MCPH1: variants seen among roughly 807,000 people sequenced by gnomAD.
The protein encoded by MCPH1 is microcephalin 1, also known as microcephalin.
Under a neutral mutation model 84.5 loss-of-function variants are expected in MCPH1, and 104 were observed. The observed-to-expected ratio is 1.23, with a 90% confidence interval of 1.05 to 1.45. The LOEUF (loss-of-function observed/expected upper bound fraction) is 1.45. MCPH1 is among the 40% of genes most tolerant of loss of function. The pLI, the probability that MCPH1 is intolerant of heterozygous loss-of-function variation, is 0.00. For missense variants in MCPH1, 1,498 were observed against 1,005.7 expected (o/e 1.49, Z -6.62); for synonymous variants, 514 against 366.8 (o/e 1.40, Z -4.58).
rs550267060 is a variant in MCPH1 at position 6,466,174 on chromosome 8, A to G, written c.1935+10922A>G. Reference sequence around the variant, plus strand: ...TTTTCCTGAGACAGAGTCTTGCTCTATCGCCAGGCTGGAGTGCAGTTGCGC... The same window carrying G: ...TTTTCCTGAGACAGAGTCTTGCTCTGTCGCCAGGCTGGAGTGCAGTTGCGC... On this transcript the variant is annotated intron_variant, in intron 9 of 13. Transcript: ENST00000344683. Among the ~76,000 whole-genome samples, 6 of 124,798 alleles carry G rather than the reference A, an allele frequency of 4.8e-5. No homozygotes were observed. In the South Asian group the frequency reaches 1.5e-3, roughly 31 times the overall value. The allele number at this position is 124,798 out of a possible 152,430, so 81.9% of individuals were successfully genotyped here. A position where few individuals can be genotyped will look rare whatever the true frequency, so the allele number is the denominator to read the frequency against.
At chr8:6,539,289 A>G (rs1821084247) in intron 12 of MCPH1, among the ~76,000 whole-genome samples, 1 of 152,208 alleles carries the variant, frequency 6.6e-6, no homozygotes, top group Non-Finnish European at 1.5e-5. Context: ...TTGAATTTCT[A>G]GAACCTAGAA....
intron 10 of MCPH1, among the ~76,000 whole-genome samples, 178 bp downstream of exon 10, chr8:6,477,809 T>C (rs951191770): frequency 5.3e-5 from 8 of 152,260 alleles, no homozygotes; most frequent in African/African-American, 1.9e-4. Flanking sequence ...TGTGAGCGAC[T>C]TAGCCTTGAA....
chr8:6,482,401 C>T (rs536648821), intron 11 of MCPH1, among the ~76,000 whole-genome samples: 33 of 152,326 alleles, frequency 2.2e-4, no homozygotes, highest in African/African-American at 5.5e-4. Flanking sequence ...CAGGGGGCCA[C>T]GGACTGTGCC....
intron 12 of MCPH1, among the ~76,000 whole-genome samples, chr8:6,588,248 G>A (rs938844751): frequency 1.1e-4 from 17 of 152,108 alleles, no homozygotes; most frequent in Admixed American, 1.1e-3. Context: ...TCTCAGTGGG[G>A]CATTCTTTTT....
chr8:6,419,152 G>GACACACACACAC (rs1177481281), intron 3 of MCPH1, among the ~76,000 whole-genome samples: 15 of 59,350 alleles, frequency 2.5e-4, no homozygotes, highest in African/African-American at 7.0e-4. Flanking sequence ...CACACACACA[G>GACACACACACAC]ACACACACAC....
At chr8:6,578,135 G>T (rs180751935) in intron 12 of MCPH1, among the ~76,000 whole-genome samples, 1 of 152,280 alleles carries the variant, frequency 6.6e-6, no homozygotes, top group African/African-American at 2.4e-5. Context: ...CCAGACACTC[G>T]ACTGTCCCGA....
intron 12 of MCPH1, among the ~76,000 whole-genome samples, chr8:6,544,617 A>G (rs947622724): frequency 2.6e-5 from 4 of 152,212 alleles, no homozygotes; most frequent in Admixed American, 2.0e-4. Flanking sequence ...AAGAACCGAC[A>G]TGCACAACTT....
chr8:6,455,882 C>T (rs186552619), intron 9 of MCPH1, among the ~76,000 whole-genome samples: 2 of 152,076 alleles, frequency 1.3e-5, no homozygotes, highest in African/African-American at 4.8e-5. Flanking sequence ...TGTAGTGAAA[C>T]CTGAATTCAG....
intron 12 of MCPH1, among the ~76,000 whole-genome samples, chr8:6,538,376 T>C (rs1335598172): frequency 6.6e-6 from 1 of 152,208 alleles, no homozygotes; most frequent in Non-Finnish European, 1.5e-5. Context: ...CCAGCTGCTC[T>C]CCTTTCATCC....
intron 12 of MCPH1, among the ~76,000 whole-genome samples, chr8:6,505,839 ATTC>A (rs1344702414): frequency 7.2e-6 from 1 of 139,614 alleles, no homozygotes; most frequent in Admixed American, 7.3e-5. Flanking sequence ...AAACATGCAT[ATTC>A]TTTATATATG....
chr8:6,419,002 G>C (rs1799733435), intron 3 of MCPH1, among the ~76,000 whole-genome samples: 1 of 152,096 alleles, frequency 6.6e-6, no homozygotes, highest in South Asian at 2.1e-4. Flanking sequence ...TGGGATTATA[G>C]TTTTAAATAT....
intron 1 of MCPH1, among the ~76,000 whole-genome samples, chr8:6,407,638 A>G (rs140399687): frequency 6.6e-6 from 1 of 152,224 alleles, no homozygotes; most frequent in African/African-American, 2.4e-5. Flanking sequence ...CAAAGTCTGT[A>G]ATCAGATGTG....
chr8:6,432,451 T>C (rs1585723085), intron 4 of MCPH1, among the ~76,000 whole-genome samples: 1 of 152,366 alleles, frequency 6.6e-6, no homozygotes, highest in South Asian at 2.1e-4. Flanking sequence ...GGGCAAACTG[T>C]AGAGTTAAAG....
At chr8:6,420,980 C>T (rs545025849) in intron 3 of MCPH1, among the ~76,000 whole-genome samples, 1 of 152,146 alleles carries the variant, frequency 6.6e-6, no homozygotes, top group Non-Finnish European at 1.5e-5. Flanking sequence ...GAGTCCCAGG[C>T]GGGCATGGAG....
At chr8:6,513,687 A>C in intron 12 of MCPH1, 1 of 1,609,004 alleles carries the variant, frequency 6.2e-7, no homozygotes, top group Non-Finnish European at 8.5e-7. Context: ...CCTATAATTG[A>C]GTTCTTCACT....
chr8:6,418,444 C>A (rs896184865), intron 3 of MCPH1, among the ~76,000 whole-genome samples: 1 of 151,978 alleles, frequency 6.6e-6, no homozygotes, highest in Non-Finnish European at 1.5e-5. Flanking sequence ...TATAGTTCAC[C>A]TATATTTGTA....
At chr8:6,411,270 G>T (rs1300597670) in intron 2 of MCPH1, among the ~76,000 whole-genome samples, 1 of 152,154 alleles carries the variant, frequency 6.6e-6, no homozygotes, top group Non-Finnish European at 1.5e-5. Flanking sequence ...TGTTACCGTG[G>T]TGACATATCC....
At chr8:6,591,940 T>C (rs934927792) in intron 12 of MCPH1, among the ~76,000 whole-genome samples, 2 of 152,172 alleles carry the variant, frequency 1.3e-5, no homozygotes, top group African/African-American at 4.8e-5. Context: ...CAGAATACAA[T>C]GCTGGGGGAA....
At chr8:6,489,340 G>A (rs549922322) in intron 11 of MCPH1, among the ~76,000 whole-genome samples, 2 of 151,976 alleles carry the variant, frequency 1.3e-5, no homozygotes, top group African/African-American at 2.4e-5. Context: ...ACCCGGGAAC[G>A]GCTAGCTAGC....
Sources: allele counts gnomAD v4.1 joint callset (sites outside exome capture counted in the v4.1 genomes callset), GRCh38; gene constraint gnomAD v4.1.1; transcripts MANE v1.5; gene names NCBI Gene and HGNC (gene_info 2026-07-23, HGNC 2026-07-21).